The following LRP1B variants were observed in gnomAD, a reference collection of about 807,000 sequenced individuals.
LRP1B encodes the protein LDL receptor related protein 1B.
In LRP1B, 217 loss-of-function variants were observed where a neutral mutation model predicts 556.6. That is an observed-to-expected ratio of 0.39 (90% CI 0.35 to 0.44). The LOEUF (loss-of-function observed/expected upper bound fraction) is 0.44, where lower values mean the gene tolerates loss of function less well. Among genes scored for constraint, LRP1B ranks in the 20% least tolerant of loss-of-function variants. The pLI, the probability that LRP1B is intolerant of heterozygous loss-of-function variation, is 1.00. For synonymous variants in LRP1B, 2,047 were observed against 1,865.8 expected (o/e 1.10, Z -2.50); for missense variants, 5,053 against 5,620.8 (o/e 0.90, Z 3.23).
chr2:140,548,795 C>A (rs989894958), intron 43 of LRP1B, among the ~76,000 whole-genome samples: 1 of 151,712 alleles, frequency 6.6e-6, no homozygotes, highest in Non-Finnish European at 1.5e-5. Context: ...CATGGTTGTG[C>A]GTGCCTGTAA....
At chr2:140,501,191 G>C (rs1157320065) in intron 55 of LRP1B, among the ~76,000 whole-genome samples, 1 of 151,796 alleles carries the variant, frequency 6.6e-6, no homozygotes, top group African/African-American at 2.4e-5. Flanking sequence ...TTATTTTAGT[G>C]TATTCACACT....
chr2:140,560,224 G>A (rs1421097948), intron 43 of LRP1B, among the ~76,000 whole-genome samples: 1 of 152,098 alleles, frequency 6.6e-6, no homozygotes, highest in African/African-American at 2.4e-5. Flanking sequence ...TAAAGCAAGA[G>A]AAAGCAAGAC....
intron 1 of LRP1B, among the ~76,000 whole-genome samples, chr2:141,885,303 T>C (rs1447239681): frequency 1.3e-5 from 2 of 152,130 alleles, no homozygotes; most frequent in African/African-American, 4.8e-5. Context: ...GAGCTGCTGA[T>C]GTAGGAATTG....
At chr2:141,498,269 ACTC>A (rs10554370) in intron 2 of LRP1B, among the ~76,000 whole-genome samples, 83,867 of 151,268 alleles carry the variant, frequency 0.55, 23,642 homozygotes, top group African/African-American at 0.64. Flanking sequence ...TCTGAAATGA[ACTC>A]CTTCATCTAC....
chr2:140,253,839 T>C (rs1351224253), intron 86 of LRP1B, among the ~76,000 whole-genome samples: 1 of 152,132 alleles, frequency 6.6e-6, no homozygotes, highest in Non-Finnish European at 1.5e-5. Flanking sequence ...AGTAGGCCAT[T>C]ACATTAGACA....
intron 3 of LRP1B, among the ~76,000 whole-genome samples, chr2:141,299,222 G>A (rs138028984): frequency 2.0e-5 from 3 of 152,210 alleles, no homozygotes; most frequent in African/African-American, 7.2e-5. Context: ...ACATTCTTAG[G>A]ATGTGATAAG....
intron 2 of LRP1B, among the ~76,000 whole-genome samples, chr2:141,553,774 T>C (rs1175786327): frequency 1.4e-5 from 2 of 139,644 alleles, no homozygotes; most frequent in African/African-American, 5.2e-5. Flanking sequence ...TATGTTTATA[T>C]TATATATAAA....
intron 2 of LRP1B, among the ~76,000 whole-genome samples, chr2:141,738,783 G>GA (rs1489541061): frequency 6.6e-6 from 1 of 152,072 alleles, no homozygotes; most frequent in Non-Finnish European, 1.5e-5. Flanking sequence ...GATGTCTAAA[G>GA]AAAAATATTG....
intron 3 of LRP1B, among the ~76,000 whole-genome samples, chr2:141,351,215 T>A (rs1688431710): frequency 6.6e-6 from 1 of 152,054 alleles, no homozygotes; most frequent in African/African-American, 2.4e-5. Context: ...ATTTTTCCAT[T>A]CTACCAATAA....
chr2:140,488,392 G>A (rs1688565275), intron 57 of LRP1B, among the ~76,000 whole-genome samples: 1 of 151,970 alleles, frequency 6.6e-6, no homozygotes, highest in South Asian at 2.1e-4. Context: ...ATTCCACATG[G>A]TGGAAATGTG....
chr2:141,792,823 A>C (rs72987312), intron 2 of LRP1B, among the ~76,000 whole-genome samples: 4,789 of 152,082 alleles, frequency 0.031, 282 homozygotes, highest in African/African-American at 0.11. Context: ...TCATAATATC[A>C]ATGAAAAGGG....
rs75758215 is a variant in LRP1B, at chr2:140,238,274, G to A, written c.13438C>T (p.Pro4480Ser). 1,642 of 1,548,058 alleles carry A rather than the reference G, an allele frequency of 1.1e-3. 11 individuals carry two copies. The East Asian group carries it at 0.017, about 16-fold the overall frequency. The change falls in exon 89 of 91, where the codon CCT (proline) becomes TCT (serine). Residue 4480 changes from proline (P) to serine (S), a missense_variant. Physicochemically the swap from Pro to Ser is moderately conservative, Grantham distance 74. Coordinates refer to ENST00000389484, the MANE Select transcript of LRP1B (RefSeq NM_018557.3). ...KRRTKTIRRQ[P>S]IINGGINVEI... is the part of the protein sequence containing the mutation. ...ACATTTATTCCTCCATTGATAATAG[G>A]TTGTCTTCTAATTGTTTTTGTCCTA...
chr2:140,374,384 T>C (rs537440522), intron 68 of LRP1B, among the ~76,000 whole-genome samples: 10 of 152,240 alleles, frequency 6.6e-5, no homozygotes, highest in Admixed American at 6.5e-4. Flanking sequence ...CATCCCCATA[T>C]AAGGAAAAAG....
At chr2:141,095,368 G>C (rs1401539685) in intron 7 of LRP1B, among the ~76,000 whole-genome samples, 2 of 57,704 alleles carry the variant, frequency 3.5e-5, no homozygotes, top group South Asian at 1.0e-3. Flanking sequence ...AACAATGTGA[G>C]TTACCAAAAA....
chr2:140,443,292 C>T (rs891472042), intron 65 of LRP1B, among the ~76,000 whole-genome samples: 5 of 152,184 alleles, frequency 3.3e-5, no homozygotes, highest in South Asian at 2.1e-4. Flanking sequence ...AACTCCTGAC[C>T]TCAGGTGATC....
At chr2:141,719,389 T>G (rs540788799) in intron 2 of LRP1B, among the ~76,000 whole-genome samples, 45 of 152,242 alleles carry the variant, frequency 3.0e-4, no homozygotes, top group African/African-American at 1.0e-3. Context: ...AATAGGAAGC[T>G]CAGGTAGGTC....
At chr2:141,775,494 C>A (rs965661668) in intron 2 of LRP1B, among the ~76,000 whole-genome samples, 1 of 152,166 alleles carries the variant, frequency 6.6e-6, no homozygotes, top group African/African-American at 2.4e-5. Flanking sequence ...TTCATCAGTA[C>A]AAGAGTCATG....
intron 66 of LRP1B, among the ~76,000 whole-genome samples, chr2:140,441,234 C>T (rs2105299130): frequency 6.6e-6 from 1 of 152,200 alleles, no homozygotes; most frequent in East Asian, 1.9e-4. Context: ...AATAACACTC[C>T]AGTCCAGAAA....
intron 1 of LRP1B, among the ~76,000 whole-genome samples, chr2:141,813,169 T>A (rs1313263659): frequency 9.9e-5 from 15 of 152,044 alleles, no homozygotes; most frequent in Admixed American, 9.8e-4. Context: ...AATAAATAAA[T>A]AAAAATAGGC....
Sources: allele counts gnomAD v4.1 joint callset (sites outside exome capture counted in the v4.1 genomes callset), GRCh38; gene constraint gnomAD v4.1.1; transcripts MANE v1.5; gene names NCBI Gene and HGNC (gene_info 2026-07-23, HGNC 2026-07-21).